LINGO2: variants seen among roughly 807,000 people sequenced by gnomAD.
LINGO2 encodes the protein leucine-rich repeat and immunoglobulin-like domain-containing nogo receptor-interacting protein 2.
LINGO2 carries 14 observed loss-of-function variants against 30.6 expected under a neutral mutation model. The ratio of observed to expected loss-of-function variants is 0.46; its 90% confidence interval spans 0.30 to 0.72. The LOEUF (loss-of-function observed/expected upper bound fraction) is 0.72, where lower values mean the gene tolerates loss of function less well. Ranked by LOEUF, LINGO2 falls within the 30% of genes least tolerant of loss-of-function variation. The pLI, the probability that LINGO2 is intolerant of heterozygous loss-of-function variation, is 0.07. For missense variants in LINGO2, 729 were observed against 751.7 expected (o/e 0.97, Z 0.35); for synonymous variants, 317 against 288.5 (o/e 1.10, Z -1.00).
At chr9:28,323,278 A>C (rs1037571838) in intron 3 of LINGO2, among the ~76,000 whole-genome samples, 1 of 152,152 alleles carries the variant, frequency 6.6e-6, no homozygotes, top group African/African-American at 2.4e-5. Context: ...GTGCCTTTTG[A>C]TATAACTATA....
intron 2 of LINGO2, among the ~76,000 whole-genome samples, chr9:28,393,261 C>A (rs1290176303): frequency 6.6e-6 from 1 of 152,214 alleles, no homozygotes; most frequent in Non-Finnish European, 1.5e-5. Flanking sequence ...TCATGGAGAT[C>A]CAGTTCTAGA....
chr9:28,000,464 G>A (rs1486570836), intron 5 of LINGO2, among the ~76,000 whole-genome samples: 4 of 152,172 alleles, frequency 2.6e-5, no homozygotes, highest in Non-Finnish European at 5.9e-5. Flanking sequence ...AAAAGCCTGA[G>A]TCAATGGAGT....
At position 28,148,792 on chromosome 9, in the gene LINGO2, C is replaced by T. The variant is rs1827893230; in HGVS notation, c.-86-136387G>A. 3 of 1,534,096 alleles carry T rather than the reference C, an allele frequency of 2.0e-6. No individual in the cohort carries two copies. Among genetic ancestry groups the T allele is most frequent in the East Asian group, 2.4e-5 (1 of 40,884 alleles). On this transcript the variant is annotated intron_variant, in intron 4 of 5. Coordinates refer to ENST00000379992, the Ensembl canonical transcript of LINGO2. This position sits in a 1 kb window ranked among gnomAD's most constrained non-coding sequence, Gnocchi z 5.1. Reference sequence around the variant, plus strand: ...TGCTCCCTGCCCCAGTTCCAGGCTGCTCCCTGTGGCCAGAGAAGGCGGCCT... The same window carrying T: ...TGCTCCCTGCCCCAGTTCCAGGCTGTTCCCTGTGGCCAGAGAAGGCGGCCT...
At chr9:28,108,492 A>T (rs1003061425) in intron 4 of LINGO2, among the ~76,000 whole-genome samples, 5 of 152,140 alleles carry the variant, frequency 3.3e-5, no homozygotes, top group Admixed American at 2.6e-4. Flanking sequence ...TGGCACCTTC[A>T]TCTCACTTAG....
At chr9:28,786,990 A>C in the LINGO2 span, among the ~76,000 whole-genome samples, 2 of 152,182 alleles carry the variant, frequency 1.3e-5, no homozygotes, top group Non-Finnish European at 2.9e-5. Context: ...GACTCTCATC[A>C]AAATCAGTAA....
At chr9:28,107,749 A>G (rs1826639472) in intron 4 of LINGO2, among the ~76,000 whole-genome samples, 1 of 152,150 alleles carries the variant, frequency 6.6e-6, no homozygotes, top group Non-Finnish European at 1.5e-5. Flanking sequence ...CCTCAGTTGG[A>G]TGTTTGCTCA....
intron 3 of LINGO2, among the ~76,000 whole-genome samples, chr9:28,296,792 C>G (rs995775766): frequency 6.6e-6 from 1 of 152,194 alleles, no homozygotes; most frequent in African/African-American, 2.4e-5. Context: ...TCCACACCCC[C>G]TCAACACACA....
At position 28,148,317 on chromosome 9, in the gene LINGO2, ACTCCAGGATGTTTGGACAC is replaced by A; in HGVS notation, c.-86-135931_-86-135913del. On this transcript the variant is annotated intron_variant, in intron 4 of 5. Coordinates refer to ENST00000379992, the Ensembl canonical transcript of LINGO2. This position sits in a 1 kb window ranked among gnomAD's most constrained non-coding sequence, Gnocchi z 5.1. Reference sequence around the variant, plus strand: ...AAGAAACCCATGCTGTCTGCTCACAACTCCAGGATGTTTGGACACCTCAGCCCCGTGAGGATTCCTCATC... The same window carrying A: ...AAGAAACCCATGCTGTCTGCTCACAACTCAGCCCCGTGAGGATTCCTCATC... 1 of 859,124 alleles carries A rather than the reference ACTCCAGGATGTTTGGACAC, an allele frequency of 1.2e-6. No individual in the cohort carries two copies. The highest frequency in any genetic ancestry group is 1.4e-5 in the South Asian group (1 of 69,914). The allele number at this position is 859,124 out of a possible 1,614,324, so 53.2% of individuals were successfully genotyped here. A position where few individuals can be genotyped will look rare whatever the true frequency, so the allele number is the denominator to read the frequency against.
chr9:28,703,406 C>G, the LINGO2 span, among the ~76,000 whole-genome samples: 2 of 151,682 alleles, frequency 1.3e-5, no homozygotes, highest in Non-Finnish European at 3.0e-5. Context: ...TGTTTATTCT[C>G]CATTGGCATT....
intron 4 of LINGO2, among the ~76,000 whole-genome samples, chr9:28,281,468 CAT>C (rs575447133): frequency 0.01 from 419 of 40,538 alleles, no homozygotes; most frequent in African/African-American, 0.016. Flanking sequence ...AAAAAATTTA[CAT>C]ATATATATAT....
At chr9:28,982,802 T>A in the LINGO2 span, among the ~76,000 whole-genome samples, 1 of 152,022 alleles carries the variant, frequency 6.6e-6, no homozygotes, top group Non-Finnish European at 1.5e-5. Flanking sequence ...ATAAAATAAT[T>A]CTGAAAATGA....
the LINGO2 span, among the ~76,000 whole-genome samples, chr9:28,947,550 C>T: frequency 1.6e-4 from 25 of 151,880 alleles, no homozygotes; most frequent in Non-Finnish European, 3.2e-4. Context: ...GCTATTGTGC[C>T]CTACTCCACT....
intron 3 of LINGO2, among the ~76,000 whole-genome samples, chr9:28,298,683 C>CA (rs74180794): frequency 0.04 from 4,523 of 113,122 alleles, 130 homozygotes; most frequent in African/African-American, 0.1. Context: ...AACTCTGTCT[C>CA]AAAAAAAAAA....
the LINGO2 span, among the ~76,000 whole-genome samples, chr9:29,038,944 T>C: frequency 6.6e-6 from 1 of 152,174 alleles, no homozygotes; most frequent in East Asian, 1.9e-4. Flanking sequence ...AATTCTCTTG[T>C]CATTGCTCAT....
At chr9:28,999,250 A>C in the LINGO2 span, among the ~76,000 whole-genome samples, 5 of 152,100 alleles carry the variant, frequency 3.3e-5, no homozygotes, top group African/African-American at 1.2e-4. Flanking sequence ...TGATAACTCT[A>C]TCTGATCAGA....
intron 4 of LINGO2, among the ~76,000 whole-genome samples, chr9:28,091,304 A>G (rs908094487): frequency 3.3e-5 from 5 of 152,230 alleles, no homozygotes; most frequent in African/African-American, 1.2e-4. Flanking sequence ...ATGCTACCTG[A>G]CTTCAAACTA....
chr9:28,978,024 T>C, the LINGO2 span, among the ~76,000 whole-genome samples: 1 of 152,150 alleles, frequency 6.6e-6, no homozygotes, highest in Non-Finnish European at 1.5e-5. Flanking sequence ...ATTTTATTCA[T>C]TAAGGGATAG....
chr9:29,008,437 T>C, the LINGO2 span, among the ~76,000 whole-genome samples: 354 of 152,316 alleles, frequency 2.3e-3, 1 homozygote, highest in Non-Finnish European at 4.1e-3. Context: ...TTTGGGTATA[T>C]ACCCAGTAAT....
At chr9:28,108,972 T>C (rs374181282) in intron 4 of LINGO2, among the ~76,000 whole-genome samples, 1 of 152,110 alleles carries the variant, frequency 6.6e-6, no homozygotes, top group Non-Finnish European at 1.5e-5. Flanking sequence ...AAAACCCTGA[T>C]GAACATCAAT....
Sources: allele counts gnomAD v4.1 joint callset (sites outside exome capture counted in the v4.1 genomes callset), GRCh38; gene constraint gnomAD v4.1.1; non-coding constraint Gnocchi (gnomAD v3.1); transcripts MANE v1.5; gene names NCBI Gene and HGNC (gene_info 2026-07-23, HGNC 2026-07-21).